Variants in TOX observed in about 807,000 individuals in gnomAD.
TOX encodes thymocyte selection associated high mobility group box, also known as thymocyte selection-associated high mobility group box protein TOX.
In TOX, 11 loss-of-function variants were observed where a neutral mutation model predicts 53.7. The observed-to-expected ratio is 0.20, with a 90% CI of 0.13 to 0.34. The LOEUF is 0.34. Among genes scored for constraint, TOX ranks in the 10% least tolerant of loss-of-function variants. The pLI, the probability that TOX is intolerant of heterozygous loss-of-function variation, is 1.00. For missense variants in TOX, 570 were observed against 664.6 expected (o/e 0.86, Z 1.56); for synonymous variants, 225 against 245.3 (o/e 0.92, Z 0.77).
At chr8:58,978,091 T>A (rs1003493299) in intron 1 of TOX, among the ~76,000 whole-genome samples, 1 of 152,206 alleles carries the variant, frequency 6.6e-6, no homozygotes, top group Non-Finnish European at 1.5e-5. Flanking sequence ...TGTATTTGCA[T>A]CCCAATTGCA....
At chr8:58,847,389 C>T in intron 4 of TOX, among the ~76,000 whole-genome samples, 1 of 151,780 alleles carries the variant, frequency 6.6e-6, no homozygotes, top group African/African-American at 2.4e-5. Context: ...CAAATGAAAC[C>T]AAAAATATAA....
In TOX at chr8:58,822,608, C is replaced by T. The variant is rs890296428; in HGVS notation, c.1005+4214G>A. Among the ~76,000 whole-genome samples the T allele has an allele frequency of 8.5e-5, 13 of 152,324 alleles. 1 individual carries two copies. In the South Asian group the frequency reaches 2.7e-3, roughly 32 times the overall value. On this transcript the variant is annotated intron_variant, in intron 6 of 8. Transcript: ENST00000361421. ...CCAAACATTCTGCAGGCCCAGATTC[C>T]TCTGAAGGTCTCAGCCTCTGTTGGT...
chr8:58,988,659 T>C (rs1401754863), intron 1 of TOX, among the ~76,000 whole-genome samples: 2 of 152,232 alleles, frequency 1.3e-5, no homozygotes, highest in African/African-American at 4.8e-5. Context: ...CAACAAGCTT[T>C]GGAAAGTCTG....
At chr8:58,840,117 T>A (rs1398827267) in intron 4 of TOX, among the ~76,000 whole-genome samples, 1 of 152,244 alleles carries the variant, frequency 6.6e-6, no homozygotes, top group Non-Finnish European at 1.5e-5. Context: ...TATTAATATG[T>A]GATACCTTAT....
At chr8:58,946,954 T>C (rs370854065) in intron 2 of TOX, among the ~76,000 whole-genome samples, 2 of 152,194 alleles carry the variant, frequency 1.3e-5, no homozygotes, top group African/African-American at 4.8e-5. Context: ...GATCTTCTTT[T>C]AGTTGCATTT....
intron 1 of TOX, among the ~76,000 whole-genome samples, chr8:59,081,623 A>T (rs1192580117): frequency 2.0e-5 from 3 of 152,218 alleles, no homozygotes; most frequent in East Asian, 1.9e-4. Context: ...TCTTTACATG[A>T]TGTCTAAGAA....
At chr8:59,061,348 A>G (rs12234908) in intron 1 of TOX, among the ~76,000 whole-genome samples, 15,727 of 152,188 alleles carry the variant, frequency 0.1, 1,236 homozygotes, top group South Asian at 0.21. Flanking sequence ...GATAAAAGGC[A>G]TTTGATGAAA....
chr8:59,058,594 T>G (rs1392782224), intron 1 of TOX, among the ~76,000 whole-genome samples: 2 of 152,154 alleles, frequency 1.3e-5, no homozygotes, highest in African/African-American at 4.8e-5. Context: ...CAGCTAAAGA[T>G]GTACAAGCTA....
intron 1 of TOX, among the ~76,000 whole-genome samples, chr8:59,054,187 G>A (rs980336417): frequency 1.3e-5 from 2 of 152,126 alleles, no homozygotes; most frequent in African/African-American, 4.8e-5. Flanking sequence ...ATTATTAAAT[G>A]CTTACGTTAT....
At chr8:59,027,825 T>C (rs911059816) in intron 1 of TOX, among the ~76,000 whole-genome samples, 1 of 152,154 alleles carries the variant, frequency 6.6e-6, no homozygotes, top group African/African-American at 2.4e-5. Context: ...TATAGACTTC[T>C]ATATATTTGA....
In TOX at chr8:58,808,114, T is replaced by C; in HGVS notation, c.1544+4A>G. Reference sequence around the variant, plus strand: ...CCACCAGGTGGCGATGACCGGCCGCTTACCCACTACTGCAGTAGTCGTTAT... The same window carrying C: ...CCACCAGGTGGCGATGACCGGCCGCCTACCCACTACTGCAGTAGTCGTTAT... On this transcript the variant is annotated splice_donor_region_variant and intron_variant, in intron 8 of 8. Transcript: ENST00000361421. 3 of 1,608,190 alleles carry C rather than the reference T, an allele frequency of 1.9e-6. No individual in the cohort carries two copies. The highest frequency in any genetic ancestry group is 2.5e-6 in the Non-Finnish European group (3 of 1,177,632).
intron 1 of TOX, among the ~76,000 whole-genome samples, chr8:58,979,227 A>G (rs992244847): frequency 2.0e-5 from 3 of 152,202 alleles, no homozygotes; most frequent in Non-Finnish European, 2.9e-5. Flanking sequence ...TCCATACTCA[A>G]ACTGAATTTC....
chr8:59,021,481 A>AAAAAT (rs59174995), intron 1 of TOX, among the ~76,000 whole-genome samples: 7 of 64,734 alleles, frequency 1.1e-4, no homozygotes, highest in African/African-American at 1.6e-4. Flanking sequence ...AAAAAAAAAA[A>AAAAAT]ATATATATAT....
chr8:58,856,831 G>A (rs1329382216), intron 3 of TOX, among the ~76,000 whole-genome samples: 1 of 151,952 alleles, frequency 6.6e-6, no homozygotes, highest in Non-Finnish European at 1.5e-5. Context: ...CCAAGACATG[G>A]CACCATAAGG....
chr8:58,815,680 C>T lies in TOX; in HGVS notation c.1050G>A (p.Gln350=), dbSNP rs377056988. The stretch of plus-strand genomic sequence containing the variant: ...ACACCGACGGCTTCGAATTGATCAG[C>T]TGAGGAGGTTGAGATGTCTTCACGT... ...PVDVKTSQPP[Q]LINSKPSVFH... is the part of the protein sequence containing the mutation. Residue 350 remains glutamine, a synonymous_variant, in exon 7 of 9, where the codon CAG becomes CAA. Transcript: ENST00000361421. 3.6e-4 allele frequency: 581 copies of T among 1,613,710 alleles called. No individual in the cohort carries two copies. The highest frequency in any genetic ancestry group is 4.8e-4 in the Non-Finnish European group (565 of 1,179,872).
intron 2 of TOX, among the ~76,000 whole-genome samples, chr8:58,952,429 C>T (rs1050061853): frequency 2.0e-5 from 3 of 152,142 alleles, no homozygotes; most frequent in Admixed American, 2.0e-4. Context: ...GTTATAATTG[C>T]AAAATTTAAC....
intron 1 of TOX, among the ~76,000 whole-genome samples, chr8:59,053,882 A>T (rs1803838452): frequency 6.6e-6 from 1 of 152,226 alleles, no homozygotes; most frequent in African/African-American, 2.4e-5. Flanking sequence ...TGTAAAGCAA[A>T]CATATTTTTC....
rs533909806 is a variant in TOX, at chr8:58,805,629, A to G, written c.*2118T>C. On this transcript the variant is annotated 3_prime_UTR_variant, in exon 9 of 9. Coordinates refer to ENST00000361421, the MANE Select transcript of TOX (RefSeq NM_014729.3). ...CCCAGTAATTACCTTCTCAGTTTAG[A>G]CTTAATGCAAGTGAAATTTTTACTT... 6.5e-6 allele frequency: 1 copy of G among 152,746 alleles called. No individual in the cohort carries two copies. The highest frequency in any genetic ancestry group is 1.9e-4 in the East Asian group (1 of 5,182). 9.5% of individuals were successfully genotyped at this position (152,746 alleles called of 1,614,324 possible).
intron 4 of TOX, among the ~76,000 whole-genome samples, chr8:58,848,879 C>A (rs966606785): frequency 1.3e-5 from 2 of 152,182 alleles, no homozygotes; most frequent in Admixed American, 6.6e-5. Flanking sequence ...TTAAAGACAG[C>A]ACAAAGTGTT....
Sources: allele counts gnomAD v4.1 joint callset (sites outside exome capture counted in the v4.1 genomes callset), GRCh38; gene constraint gnomAD v4.1.1; transcripts MANE v1.5; gene names NCBI Gene and HGNC (gene_info 2026-07-23, HGNC 2026-07-21).